The following FRK variants were observed in gnomAD, a reference collection of about 807,000 sequenced individuals.
FRK encodes the protein tyrosine-protein kinase FRK.
FRK carries 51 observed loss-of-function variants against 56.4 expected under a neutral mutation model. The ratio of observed to expected loss-of-function variants is 0.90; its 90% CI spans 0.72 to 1.14. The LOEUF (loss-of-function observed/expected upper bound fraction) is 1.14. Ranked by LOEUF, FRK falls within the 50% of genes most tolerant of loss-of-function variation. The pLI is 0.00. For missense variants in FRK, 570 were observed against 601.4 expected (o/e 0.95, Z 0.55); for synonymous variants, 245 against 217.9 (o/e 1.12, Z -1.10).
At chr6:116,004,190 A>T (rs1459997322) in intron 1 of FRK, among the ~76,000 whole-genome samples, 192 bp from the exon 2 acceptor site, 4 of 151,410 alleles carry the variant, frequency 2.6e-5, no homozygotes, top group South Asian at 2.1e-4. Context: ...ACCAACATTT[A>T]TTTTTTTTTA....
chr6:116,059,918 A>G, intron 1 of FRK, 50 bp downstream of exon 1: 1 of 1,466,544 alleles, frequency 6.8e-7, no homozygotes, highest in Non-Finnish European at 9.4e-7. Context: ...AAAACTCATT[A>G]CCCAGCCCTC....
chr6:116,041,132 T>A (rs1436461733), intron 1 of FRK, among the ~76,000 whole-genome samples: 1 of 152,224 alleles, frequency 6.6e-6, no homozygotes, highest in East Asian at 1.9e-4. Context: ...TTCCCTGAGT[T>A]AGACTTTGAT....
At chr6:116,099,591 AT>A in the FRK span, among the ~76,000 whole-genome samples, 2 of 152,194 alleles carry the variant, frequency 1.3e-5, no homozygotes, top group African/African-American at 2.4e-5. Context: ...TACTTTTCCT[AT>A]TCCAGAGAGA....
rs139592235 is a variant in FRK at position 115,936,910 on chromosome 6, T to G, written c.*5504A>C. On this transcript the variant is annotated 3_prime_UTR_variant, in exon 8 of 8. Transcript: ENST00000606080. Reference sequence around the variant, plus strand: ...AAGTTGGAAAACACTCCTCAGGATATTATCCAGGAGAACATCCCCAACCTA... The same window carrying G: ...AAGTTGGAAAACACTCCTCAGGATAGTATCCAGGAGAACATCCCCAACCTA... 0.019 allele frequency: 2,885 copies of G among 152,260 alleles called. 50 individuals are homozygous for G. Among genetic ancestry groups the G allele is most frequent in the African/African-American group, 0.047 (1,962 of 41,534 alleles). The allele number at this position is 152,260 out of a possible 1,614,324, so 9.4% of individuals were successfully genotyped here. A position where few individuals can be genotyped will look rare whatever the true frequency, so the allele number is the denominator to read the frequency against.
chr6:115,944,613 C>T (rs1772346651), intron 5 of FRK, among the ~76,000 whole-genome samples, 188 bp from the exon 6 acceptor site: 1 of 152,092 alleles, frequency 6.6e-6, no homozygotes, highest in South Asian at 2.1e-4. Context: ...TAAGGCAAGG[C>T]CCTCTCTTCC....
chr6:115,953,411 G>A (rs1289040345), intron 5 of FRK, among the ~76,000 whole-genome samples: 1 of 151,604 alleles, frequency 6.6e-6, no homozygotes, highest in Non-Finnish European at 1.5e-5. Context: ...GGATGGTCTC[G>A]ATCTCCTGAC....
chr6:116,027,295 T>A (rs1292094663), intron 1 of FRK, among the ~76,000 whole-genome samples: 1 of 152,196 alleles, frequency 6.6e-6, no homozygotes, highest in Non-Finnish European at 1.5e-5. Flanking sequence ...CAAGACAGCA[T>A]AATTTTTTAA....
At chr6:116,097,281 TC>T in the FRK span, among the ~76,000 whole-genome samples, 33 of 152,222 alleles carry the variant, frequency 2.2e-4, no homozygotes, top group Non-Finnish European at 4.4e-4. Flanking sequence ...TTCATATTTT[TC>T]CTATTTTTTT....
Position 116,003,996 on chromosome 6 carries a change from C to T in FRK, c.347G>A (p.Trp116Ter). Residue 116 changes from tryptophan (W) to a stop codon, truncating the protein, a stop_gained and splice_region_variant, in exon 2 of 8, where the codon TGG (tryptophan) becomes TAG (stop). Coordinates refer to ENST00000606080, the MANE Select transcript of FRK (RefSeq NM_002031.3). LOFTEE classifies it high-confidence loss of function. ...TGATCTTCCGATTGCTCCAAAGAACCACCTAAAAAGAGAGATATGTAAATG... is the reference window on the plus strand; with the variant it reads ...TGATCTTCCGATTGCTCCAAAGAACTACCTAAAAAGAGAGATATGTAAATG... ...AEDRSLQAEP[W>*]FFGAIGRSDA... 1 of 1,611,458 alleles carries T rather than the reference C, an allele frequency of 6.2e-7. No individual in the cohort carries two copies.
the FRK span, among the ~76,000 whole-genome samples, chr6:116,066,331 C>G: frequency 1.3e-5 from 2 of 152,108 alleles, no homozygotes; most frequent in Non-Finnish European, 2.9e-5. Context: ...AGTTTTGAGA[C>G]TCGGACTGGC....
intron 1 of FRK, among the ~76,000 whole-genome samples, chr6:116,011,057 C>T (rs557094955): frequency 9.3e-5 from 14 of 150,646 alleles, no homozygotes; most frequent in Non-Finnish European, 1.6e-4. Context: ...ATTAACTGGA[C>T]GTGCTTTATT....
the FRK span, among the ~76,000 whole-genome samples, chr6:116,068,007 C>T: frequency 7.2e-5 from 11 of 152,196 alleles, no homozygotes; most frequent in African/African-American, 2.7e-4. Context: ...CTTCCTTTGG[C>T]TATAATACAG....
chr6:116,077,143 A>G, the FRK span, among the ~76,000 whole-genome samples: 1 of 152,258 alleles, frequency 6.6e-6, no homozygotes, highest in Non-Finnish European at 1.5e-5. Flanking sequence ...ACTCCATTTT[A>G]CATGTTTTTA....
rs1771964250 is a variant in FRK, at chr6:115,931,899, A to G, written c.*10515T>C. The G allele has an allele frequency of 6.6e-6, 1 of 152,214 alleles. No individual in the cohort carries two copies. Among genetic ancestry groups the G allele is most frequent in the Admixed American group, 6.5e-5 (1 of 15,280 alleles). 9.4% of individuals were successfully genotyped at this position (152,214 alleles called of 1,614,324 possible). A position where few individuals can be genotyped will look rare whatever the true frequency, so the allele number is the denominator to read the frequency against. ...TATGACTTGAATCCTCTGCATGGTA[A>G]TACTTCCAACTGGACACTTGAGGTG... On this transcript the variant is annotated 3_prime_UTR_variant, in exon 8 of 8. Transcript: ENST00000606080.
chr6:115,966,744 G>A (rs781601808), intron 4 of FRK, among the ~76,000 whole-genome samples: 1 of 152,150 alleles, frequency 6.6e-6, no homozygotes, highest in Non-Finnish European at 1.5e-5. Flanking sequence ...TGGAGCGTGA[G>A]GCAATAGTAA....
intron 2 of FRK, among the ~76,000 whole-genome samples, chr6:115,976,124 T>TAGA: frequency 6.6e-6 from 1 of 152,144 alleles, no homozygotes. Context: ...GTGACAGATA[T>TAGA]AGAAGCCCAG....
At chr6:116,036,233 C>G (rs1266828765) in intron 1 of FRK, among the ~76,000 whole-genome samples, 4 of 152,096 alleles carry the variant, frequency 2.6e-5, no homozygotes, top group African/African-American at 9.7e-5. Flanking sequence ...CTTCGAGTAA[C>G]AGGGATAGTT....
the FRK span, among the ~76,000 whole-genome samples, chr6:116,095,523 T>G: frequency 6.6e-6 from 1 of 152,232 alleles, no homozygotes; most frequent in East Asian, 1.9e-4. Context: ...TCCTAACGTC[T>G]AATCTTATGG....
chr6:116,023,670 T>C (rs1436676985), intron 1 of FRK, among the ~76,000 whole-genome samples: 1 of 152,140 alleles, frequency 6.6e-6, no homozygotes, highest in Non-Finnish European at 1.5e-5. Flanking sequence ...AGAAATGTTC[T>C]ACATTGGGAG....
Sources: allele counts gnomAD v4.1 joint callset (sites outside exome capture counted in the v4.1 genomes callset), GRCh38; gene constraint gnomAD v4.1.1; transcripts MANE v1.5; gene names NCBI Gene and HGNC (gene_info 2026-07-23, HGNC 2026-07-21).